Variants in YTHDC2 observed in about 807,000 individuals in gnomAD.
The protein encoded by YTHDC2 is 3'-5' RNA helicase YTHDC2.
In YTHDC2, 45 loss-of-function variants were observed where a neutral mutation model predicts 174.9. That is an observed-to-expected ratio of 0.26 (90% CI 0.20 to 0.33). The LOEUF (loss-of-function observed/expected upper bound fraction) is 0.33, where lower values mean the gene tolerates loss of function less well. Among genes scored for constraint, YTHDC2 ranks in the 10% least tolerant of loss-of-function variants. YTHDC2 has a pLI of 1.00. For missense variants in YTHDC2, 1,650 were observed against 1,723.7 expected, an observed-to-expected ratio of 0.96 and a Z score of 0.76; for synonymous variants, 657 against 574.5, an observed-to-expected ratio of 1.14 and a Z score of -2.05.
intron 10 of YTHDC2, among the ~76,000 whole-genome samples, chr5:113,548,041 T>A (rs2112649617): frequency 6.6e-6 from 1 of 152,322 alleles, no homozygotes; most frequent in African/African-American, 2.4e-5. Flanking sequence ...TTAAGTGTCT[T>A]ATCAAATAGC....
At chr5:113,536,787 A>G (rs1304930286) in intron 7 of YTHDC2, among the ~76,000 whole-genome samples, 4 of 151,700 alleles carry the variant, frequency 2.6e-5, no homozygotes, top group Non-Finnish European at 4.4e-5. Context: ...TGTTTTATAT[A>G]TATTTGTTCT....
At position 113,564,041 on chromosome 5, in the gene YTHDC2, G is replaced by A. The variant is rs1777179608; in HGVS notation, c.2625G>A (p.Gln875=). Reference sequence around the variant, plus strand: ...GAGATCCTTTTGTACTACCTACTCAGGCCTCTCAAAAACGTGCAGCTATGC... The same window carrying A: ...GAGATCCTTTTGTACTACCTACTCAAGCCTCTCAAAAACGTGCAGCTATGC... ...AYRDPFVLPT[Q]ASQKRAAMLC... Residue 875 remains glutamine (Q), a synonymous_variant, in exon 20 of 30, where the codon CAG becomes CAA. Coordinates refer to ENST00000161863, the MANE Select transcript of YTHDC2 (RefSeq NM_022828.5). 6.2e-7 allele frequency: 1 copy of A among 1,613,922 alleles called. No homozygotes were observed. Among genetic ancestry groups the A allele is most frequent in the Middle Eastern group, 1.6e-4 (1 of 6,084 alleles).
rs117018259 is a variant in YTHDC2 at position 113,543,525 on chromosome 5, T to C, written c.1495+1022T>C. On this transcript the variant is annotated intron_variant, in intron 10 of 29. Coordinates refer to ENST00000161863, the MANE Select transcript of YTHDC2 (RefSeq NM_022828.5). ...CCAAGCTAGCCTCTCTTCTGGACTA[T>C]TGCAGTAGCCCGTTAACCATTTCTG... Among the ~76,000 whole-genome samples the C allele has an allele frequency of 3.4e-3, 525 of 152,350 alleles. 5 individuals carry two copies. The East Asian group carries it at 0.066, about 19-fold the overall frequency.
chr5:113,530,799 A>C (rs1200929266), intron 4 of YTHDC2, among the ~76,000 whole-genome samples: 1 of 152,050 alleles, frequency 6.6e-6, no homozygotes, highest in Non-Finnish European at 1.5e-5. Flanking sequence ...TGAAGATTCA[A>C]GTTTCTGGCC....
In YTHDC2 at chr5:113,513,867, C is replaced by T; in HGVS notation, c.-29C>T. 4 of 1,569,884 alleles carry T rather than the reference C, an allele frequency of 2.5e-6. No homozygotes were observed. Among genetic ancestry groups the T allele is most frequent in the Non-Finnish European group, 3.4e-6 (4 of 1,162,568 alleles). ...TGTCAGCTAGCAGGCCTGGCCGCTC[C>T]CGTGCGGAGAGACCATCTCTTCAGG... On this transcript the variant is annotated 5_prime_UTR_variant, in exon 1 of 30. Transcript: ENST00000161863.
intron 2 of YTHDC2, among the ~76,000 whole-genome samples, chr5:113,519,014 A>G (rs1224356077): frequency 2.0e-5 from 3 of 150,870 alleles, no homozygotes; most frequent in Non-Finnish European, 4.4e-5. Context: ...GACCACAGGC[A>G]TGCACCACCA....
chr5:113,526,451 C>T (rs1466443152), intron 3 of YTHDC2, 135 bp from the exon 4 acceptor site: 3 of 614,854 alleles, frequency 4.9e-6, no homozygotes, highest in Non-Finnish European at 7.8e-6. Flanking sequence ...GAGAAGAAAA[C>T]ATTTGAAAGG....
chr5:113,581,168 C>T (rs1778381633), intron 24 of YTHDC2: 2 of 333,832 alleles, frequency 6.0e-6, no homozygotes, highest in South Asian at 1.6e-4. Flanking sequence ...ATTAATCACA[C>T]TCTGCCACAA....
chr5:113,520,499 T>C (rs1030634098), intron 2 of YTHDC2, among the ~76,000 whole-genome samples: 1 of 136,550 alleles, frequency 7.3e-6, no homozygotes, highest in African/African-American at 2.9e-5. Context: ...AAAGAATCTC[T>C]TTTTTTTTTT....
At position 113,581,565 on chromosome 5, in the gene YTHDC2, G is replaced by C. The variant is rs766677471; in HGVS notation, c.3503G>C (p.Gly1168Ala). ...TTAAGCACTGAAGAACAGTCTGCAGGTTTACAACAACCATCTGGGATTGGC... is the reference window on the plus strand; with the variant it reads ...TTAAGCACTGAAGAACAGTCTGCAGCTTTACAACAACCATCTGGGATTGGC... The part of the protein sequence containing the change: ...AVLSTEEQSA[G>A]LQQPSGIGQR... The change falls in exon 25 of 30, where the codon GGT (glycine) becomes GCT (alanine). Residue 1168 changes from glycine to alanine, a missense_variant. This residue lies in a region of YTHDC2 where 913 missense variants were observed against 940.4 expected (regional missense o/e 0.97). Transcript: ENST00000161863. The C allele has an allele frequency of 5.0e-6, 8 of 1,613,912 alleles. No individual in the cohort carries two copies. The highest frequency in any genetic ancestry group is 1.6e-4 in the Middle Eastern group (1 of 6,084).
At chr5:113,544,666 G>A (rs1775728646) in intron 10 of YTHDC2, among the ~76,000 whole-genome samples, 1 of 150,546 alleles carries the variant, frequency 6.6e-6, no homozygotes, top group Non-Finnish European at 1.5e-5. Flanking sequence ...GGTATATGAA[G>A]ATGATTATTC....
At chr5:113,589,416 T>G (rs935161960) in intron 26 of YTHDC2, among the ~76,000 whole-genome samples, 1 of 141,064 alleles carries the variant, frequency 7.1e-6, no homozygotes, top group Non-Finnish European at 1.5e-5. Context: ...AAAATATATA[T>G]ATATATATAT....
At position 113,548,615 on chromosome 5, in the gene YTHDC2, G is replaced by C. The variant is rs1265364920; in HGVS notation, c.1570G>C (p.Glu524Gln). 4 of 1,613,402 alleles carry C rather than the reference G, an allele frequency of 2.5e-6. No individual in the cohort carries two copies. Among genetic ancestry groups the C allele is most frequent in the Non-Finnish European group, 3.4e-6 (4 of 1,179,722 alleles). Reference sequence around the variant, plus strand: ...AGGACGTGGCTTTGCAAGTCAAGTAGAACAGTTAATCAGTATGGGAGCCAA... The same window carrying C: ...AGGACGTGGCTTTGCAAGTCAAGTACAACAGTTAATCAGTATGGGAGCCAA... ...AAGRGFASQVEQLISMGANVH... is the reference protein window; with the variant it reads ...AAGRGFASQVQQLISMGANVH... Residue 524 changes from glutamate to glutamine, a missense_variant, in exon 11 of 30, where the codon GAA becomes CAA. Around this residue, in one of 5 missense-constraint regions of YTHDC2, gnomAD observed 411 missense variants for 380.6 expected, o/e 1.08. Transcript: ENST00000161863.
intron 28 of YTHDC2, 39 bp from the exon 29 acceptor site, chr5:113,593,264 A>G (rs778979777): frequency 1.8e-5 from 28 of 1,534,222 alleles, no homozygotes; most frequent in Non-Finnish European, 2.4e-5. Flanking sequence ...TTTTCACTCC[A>G]GTTCTTTTTA....
intron 17 of YTHDC2, 98 bp from the exon 18 acceptor site, chr5:113,560,982 C>T: frequency 2.0e-6 from 2 of 1,016,330 alleles, no homozygotes; most frequent in Non-Finnish European, 2.8e-6. Flanking sequence ...GTATCCTGAT[C>T]CTGGATCATT....
At chr5:113,592,199 T>C (rs1292222255) in intron 28 of YTHDC2, 21 bp downstream of exon 28, 1 of 1,566,268 alleles carries the variant, frequency 6.4e-7, no homozygotes, top group South Asian at 1.2e-5. Flanking sequence ...GCATTTTTTT[T>C]TTTATTTACT....
intron 4 of YTHDC2, among the ~76,000 whole-genome samples, chr5:113,530,687 T>C (rs928986066): frequency 6.6e-6 from 1 of 152,156 alleles, no homozygotes; most frequent in African/African-American, 2.4e-5. Context: ...TTTGAACCAA[T>C]TGTTATGTGT....
chr5:113,556,183 C>A, intron 17 of YTHDC2, 49 bp downstream of exon 17: 1 of 1,078,544 alleles, frequency 9.3e-7, no homozygotes, highest in Non-Finnish European at 1.4e-6. Flanking sequence ...AAAATGGAAA[C>A]GTTTTTATAT....
intron 18 of YTHDC2, among the ~76,000 whole-genome samples, chr5:113,561,473 A>ATTT (rs33978462): frequency 3.9e-4 from 54 of 138,518 alleles, no homozygotes; most frequent in Admixed American, 7.3e-4. Flanking sequence ...ATCTATCTAT[A>ATTT]TTTTTTTTTT....
Sources: allele counts gnomAD v4.1 joint callset (sites outside exome capture counted in the v4.1 genomes callset), GRCh38; gene constraint gnomAD v4.1.1; regional missense constraint gnomAD v4.1.1; transcripts MANE v1.5; gene names NCBI Gene and HGNC (gene_info 2026-07-23, HGNC 2026-07-21).